ALG9: variants seen among roughly 807,000 people sequenced by gnomAD.
The protein encoded by ALG9 is alpha-1,2-mannosyltransferase ALG9.
Under a neutral mutation model 81.8 loss-of-function variants are expected in ALG9, and 55 were observed. The ratio of observed to expected loss-of-function variants is 0.67; its 90% confidence interval spans 0.54 to 0.84. ALG9 has a LOEUF of 0.84. ALG9 is among the 40% of genes least tolerant of loss of function. The pLI, the probability that ALG9 is intolerant of heterozygous loss-of-function variation, is 0.00. For missense variants in ALG9, 629 were observed against 745.0 expected, an observed-to-expected ratio of 0.84 and a Z score of 1.81; for synonymous variants, 278 against 274.3, an observed-to-expected ratio of 1.01 and a Z score of -0.13.
chr11:111,860,717 G>A (rs1959782940), intron 4 of ALG9, 82 bp from the exon 5 acceptor site: 1 of 1,034,584 alleles, frequency 9.7e-7, no homozygotes, highest in Admixed American at 2.1e-5. Flanking sequence ...ACGTACCACA[G>A]ATAACACTGA....
At chr11:111,794,868 C>G (rs1555073838) in intron 14 of ALG9, among the ~76,000 whole-genome samples, 2 of 152,190 alleles carry the variant, frequency 1.3e-5, no homozygotes, top group Non-Finnish European at 2.9e-5. Context: ...ATCTTCAGTT[C>G]TGAAGAGAAT....
the ALG9 span, among the ~76,000 whole-genome samples, chr11:111,775,034 C>G: frequency 2.0e-5 from 3 of 152,184 alleles, no homozygotes; most frequent in Non-Finnish European, 4.4e-5. Context: ...GCAGTCCTCT[C>G]CACTCAGCCT....
intron 13 of ALG9, among the ~76,000 whole-genome samples, chr11:111,827,173 CT>C (rs1469171543): frequency 6.6e-6 from 1 of 152,054 alleles, no homozygotes; most frequent in Non-Finnish European, 1.5e-5. Context: ...TTATAAGGGA[CT>C]TTTCTTAAAT....
At chr11:111,808,790 C>G (rs1396564363) in intron 14 of ALG9, among the ~76,000 whole-genome samples, 1 of 152,206 alleles carries the variant, frequency 6.6e-6, no homozygotes, top group African/African-American at 2.4e-5. Context: ...TGTCTGTTTA[C>G]CTGGACCTCT....
chr11:111,794,655 TCTAC>T (rs1555073629), intron 14 of ALG9, among the ~76,000 whole-genome samples: 1 of 152,054 alleles, frequency 6.6e-6, no homozygotes, highest in African/African-American at 2.4e-5. Flanking sequence ...CTCTTCTCTC[TCTAC>T]CTATCTATCT....
intron 14 of ALG9, among the ~76,000 whole-genome samples, chr11:111,787,644 G>C (rs1385876601): frequency 1.3e-5 from 2 of 151,572 alleles, no homozygotes; most frequent in African/African-American, 4.8e-5. Context: ...TTTTTTAGTA[G>C]AGACGGGGTT....
Position 111,782,473 on chromosome 11 carries a change from T to C in ALG9, c.*3924A>G, listed in dbSNP as rs1284126901. 6.6e-6 allele frequency: 1 copy of C among 152,566 alleles called. No individual in the cohort carries two copies. The highest frequency in any genetic ancestry group is 2.4e-5 in the African/African-American group (1 of 41,430). 9.5% of individuals were successfully genotyped at this position (152,566 alleles called of 1,614,324 possible). A position where few individuals can be genotyped will look rare whatever the true frequency, so the allele number is the denominator to read the frequency against. On this transcript the variant is annotated 3_prime_UTR_variant, in exon 15 of 15. Transcript: ENST00000616540. Reference sequence around the variant, plus strand: ...TCTGATCTTTCTGTTGCAAAAAAAATTAAAGCTGGGCACATGTCCATTTAT... The same window carrying C: ...TCTGATCTTTCTGTTGCAAAAAAAACTAAAGCTGGGCACATGTCCATTTAT...
chr11:111,786,487 G>A lies in ALG9; in HGVS notation c.1767C>T (p.Pro589=). 6.2e-7 allele frequency: 1 copy of A among 1,614,068 alleles called. No homozygotes were observed. The highest frequency in any genetic ancestry group is 8.5e-7 in the Non-Finnish European group (1 of 1,179,988). The part of the protein sequence containing the change: ...SSKLLRAFYV[P]FLSDQYTVYV... ...ACACTGTATACTGATCTGACAGGAAGGGGACATAGAATGCCCGCAGCAGCT... is the reference window on the plus strand; with the variant it reads ...ACACTGTATACTGATCTGACAGGAAAGGGACATAGAATGCCCGCAGCAGCT... Residue 589 remains proline (P), a synonymous_variant, in exon 15 of 15, where the codon CCC becomes CCT. Coordinates refer to ENST00000616540, the MANE Select transcript of ALG9 (RefSeq NM_024740.2).
At position 111,788,429 on chromosome 11, in the gene ALG9, G is replaced by C. The variant is rs534342799; in HGVS notation, c.1734-1909C>G. 3 of 453,998 alleles carry C rather than the reference G, an allele frequency of 6.6e-6. No homozygotes were observed. In the East Asian group the frequency reaches 2.1e-4, roughly 32 times the overall value. 28.1% of individuals were successfully genotyped at this position (453,998 alleles called of 1,614,324 possible). On this transcript the variant is annotated intron_variant, in intron 14 of 14. Transcript: ENST00000616540. ...CCTATAAATAAAATGAACAGGAAGAGGAAGCACCTACCCCAGTCAAGGAGA... is the reference window on the plus strand; with the variant it reads ...CCTATAAATAAAATGAACAGGAAGACGAAGCACCTACCCCAGTCAAGGAGA...
intron 13 of ALG9, among the ~76,000 whole-genome samples, chr11:111,811,021 CAA>C (rs1268660490): frequency 2.2e-4 from 34 of 152,032 alleles, no homozygotes; most frequent in Admixed American, 1.4e-3. Context: ...AAGGAAGAAA[CAA>C]AACTCATTCA....
At chr11:111,863,522 A>G (rs1167315059) in intron 4 of ALG9, among the ~76,000 whole-genome samples, 1 of 152,132 alleles carries the variant, frequency 6.6e-6, no homozygotes, top group East Asian at 1.9e-4. Context: ...CACTCCACTC[A>G]CAGTCAAGGC....
rs1242331391 is a variant in ALG9 at position 111,868,606 on chromosome 11, T to C, written c.401A>G (p.Asn134Ser). ...TCCAGGTTGGTCTGCCCTTACCTTA[T>C]TAGTTTGTAGAATTCTTGCATGAAA... ...AAFHARILQT[N>S]KILVFYFLRC... The change falls in exon 3 of 15, where the codon AAT (asparagine) becomes AGT (serine). Residue 134 changes from asparagine to serine, a missense_variant. Physicochemically the swap from Asn to Ser is conservative, Grantham distance 46. Transcript: ENST00000616540. The C allele has an allele frequency of 5.6e-6, 9 of 1,613,946 alleles. No homozygotes were observed. Among genetic ancestry groups the C allele is most frequent in the Non-Finnish European group, 6.8e-6 (8 of 1,179,840 alleles).
intron 6 of ALG9, 80 bp downstream of exon 6, chr11:111,857,522 C>T (rs1958896744): frequency 6.3e-7 from 1 of 1,586,590 alleles, no homozygotes; most frequent in Non-Finnish European, 8.6e-7. Context: ...AGATTCTATG[C>T]AGACAATATG....
rs1555057652 is a variant in ALG9, at chr11:111,782,582, T to A, written c.*3815A>T. ...TTTAATATGCTTGTGGAGGCCAAGA[T>A]TAAATTGTACCTCTTCTCCCTCTTC... is the stretch of plus-strand genomic sequence containing the variant. On this transcript the variant is annotated 3_prime_UTR_variant, in exon 15 of 15. Coordinates refer to ENST00000616540, the MANE Select transcript of ALG9 (RefSeq NM_024740.2). The A allele has an allele frequency of 6.6e-6, 1 of 152,568 alleles. No homozygotes were observed. Among genetic ancestry groups the A allele is most frequent in the African/African-American group, 2.4e-5 (1 of 41,444 alleles). The allele number at this position is 152,568 out of a possible 1,614,324, so 9.5% of individuals were successfully genotyped here.
intron 14 of ALG9, chr11:111,805,095 T>C (rs1949722725): frequency 2.8e-6 from 1 of 354,622 alleles, no homozygotes; most frequent in African/African-American, 2.1e-5. Context: ...AACACTCACC[T>C]ATGTGATGGT....
At position 111,809,766 on chromosome 11, in the gene ALG9, A is replaced by AT; in HGVS notation, c.1609dup (p.Ile537AsnfsTer3). ...ATCCACTAAATAATGGCATTTACTG[A>AT]TATCAATCTGAAATGGAGAAAGGCC... On this transcript the variant is annotated frameshift_variant, in exon 14 of 15. Transcript: ENST00000616540. LOFTEE classifies it high-confidence loss of function. The AT allele has an allele frequency of 6.2e-7, 1 of 1,613,998 alleles. No homozygotes were observed. Among genetic ancestry groups the AT allele is most frequent in the Non-Finnish European group, 8.5e-7 (1 of 1,179,922 alleles).
At chr11:111,862,896 T>G (rs1449452872) in intron 4 of ALG9, among the ~76,000 whole-genome samples, 2 of 152,138 alleles carry the variant, frequency 1.3e-5, no homozygotes, top group Non-Finnish European at 1.5e-5. Flanking sequence ...TGTTGACTGT[T>G]ATTTCTGCTG....
At chr11:111,768,383 T>C in the ALG9 span, among the ~76,000 whole-genome samples, 1 of 151,190 alleles carries the variant, frequency 6.6e-6, no homozygotes, top group African/African-American at 2.4e-5. Context: ...TTTGTTGTGG[T>C]TTTTTTTTAG....
At chr11:111,817,549 C>T (rs1441323224) in intron 13 of ALG9, 2 of 152,096 alleles carry the variant, frequency 1.3e-5, no homozygotes, top group African/African-American at 2.4e-5. Flanking sequence ...CCTCCCCAGG[C>T]TCAAGTGATC....
Sources: gnomAD v4.1 joint callset for allele counts (sites outside exome capture counted in the v4.1 genomes callset) on GRCh38, gnomAD v4.1.1 for gene constraint, MANE v1.5 for transcripts, NCBI Gene and HGNC (gene_info 2026-07-23, HGNC 2026-07-21) for gene names.